The following TLE1 variants were observed in gnomAD, a reference collection of about 807,000 sequenced individuals.
TLE1 encodes transducin-like enhancer protein 1.
Under a neutral mutation model 89.8 loss-of-function variants are expected in TLE1, and 21 were observed. The observed-to-expected ratio is 0.23, with a 90% confidence interval of 0.17 to 0.34. The LOEUF (loss-of-function observed/expected upper bound fraction) is 0.34, where lower values mean the gene tolerates loss of function less well. Ranked by LOEUF, TLE1 falls within the 10% of genes least tolerant of loss-of-function variation. The pLI, the probability that TLE1 is intolerant of heterozygous loss-of-function variation, is 1.00. For synonymous variants in TLE1, 447 were observed against 407.6 expected (o/e 1.10, Z -1.16); for missense variants, 795 against 1,031.2 (o/e 0.77, Z 3.14).
At chr9:81,627,404 G>T (rs746135069) in intron 8 of TLE1, among the ~76,000 whole-genome samples, 2 of 151,568 alleles carry the variant, frequency 1.3e-5, no homozygotes, top group African/African-American at 2.4e-5. Flanking sequence ...TCCCACCAAG[G>T]CCCCGATATC....
chr9:81,633,499 G>A (rs1826972176), intron 7 of TLE1, 135 bp from the exon 8 acceptor site: 1 of 1,188,406 alleles, frequency 8.4e-7, no homozygotes, highest in Non-Finnish European at 1.2e-6. Flanking sequence ...ATTTATATAA[G>A]TCATTGCACA....
At chr9:81,685,612 G>C in intron 4 of TLE1, 64 bp downstream of exon 4, 2 of 1,551,462 alleles carry the variant, frequency 1.3e-6, no homozygotes, top group African/African-American at 1.4e-5. Context: ...TGAGAACAAA[G>C]CCAGTATTAT....
At chr9:81,592,101 A>G (rs111574855) in intron 15 of TLE1, among the ~76,000 whole-genome samples, 1,738 of 152,262 alleles carry the variant, frequency 0.011, 33 homozygotes, top group African/African-American at 0.039. Context: ...GCTCACGCCT[A>G]TAATCCCAGC....
chr9:81,667,056 T>C (rs905756569), intron 4 of TLE1, among the ~76,000 whole-genome samples: 8 of 151,212 alleles, frequency 5.3e-5, no homozygotes, highest in Admixed American at 5.3e-4. Context: ...AATCCTTGGT[T>C]TGGAGTTTGG....
chr9:81,636,200 A>G (rs560341817), intron 6 of TLE1, among the ~76,000 whole-genome samples: 42 of 152,212 alleles, frequency 2.8e-4, no homozygotes, highest in Middle Eastern at 3.4e-3. Flanking sequence ...TATGCATAAA[A>G]TCACCTTCCT....
At position 81,592,520 on chromosome 9, in the gene TLE1, G is replaced by A. The variant is rs111283291; in HGVS notation, c.1581+505C>T. On this transcript the variant is annotated intron_variant, in intron 15 of 19. Transcript: ENST00000376499. Reference sequence around the variant, plus strand: ...GATGGCTGCCCCGGGTCTTTGCAGTGACAGCCTTTAACCCTTTCCTGAAGT... The same window carrying A: ...GATGGCTGCCCCGGGTCTTTGCAGTAACAGCCTTTAACCCTTTCCTGAAGT... 6.2e-3 allele frequency among the ~76,000 whole-genome samples: 950 copies of A among 152,276 alleles called. 7 individuals carry two copies. Among genetic ancestry groups the A allele is most frequent in the Middle Eastern group, 0.02 (6 of 294 alleles).
intron 5 of TLE1, 68 bp from the exon 6 acceptor site, chr9:81,652,356 A>C: frequency 1.4e-6 from 2 of 1,392,138 alleles, no homozygotes; most frequent in Non-Finnish European, 1.0e-6. Context: ...TCTAACAACA[A>C]AAAGTCAAAT....
intron 4 of TLE1, among the ~76,000 whole-genome samples, chr9:81,666,446 A>G (rs1045210600): frequency 1.3e-5 from 2 of 152,054 alleles, no homozygotes; most frequent in Admixed American, 1.3e-4. Context: ...CATCATCATC[A>G]CTGGTTGAAG....
At chr9:81,656,004 C>T (rs771770027) in intron 4 of TLE1, among the ~76,000 whole-genome samples, 1 of 152,172 alleles carries the variant, frequency 6.6e-6, no homozygotes, top group Non-Finnish European at 1.5e-5. Flanking sequence ...TCTGACCCAA[C>T]CCAATTCTCC....
At chr9:81,586,041 G>A (rs1828379618) in intron 17 of TLE1, among the ~76,000 whole-genome samples, 1 of 135,086 alleles carries the variant, frequency 7.4e-6, no homozygotes, top group African/African-American at 2.8e-5. Flanking sequence ...TTTTTGAGAC[G>A]GAGTCTTGCT....
chr9:81,672,901 A>T (rs1832404078), intron 4 of TLE1, among the ~76,000 whole-genome samples: 1 of 152,208 alleles, frequency 6.6e-6, no homozygotes. Flanking sequence ...ACTGATAGTT[A>T]CATTACTTAA....
Position 81,611,811 on chromosome 9 carries a change from T to TGCG in TLE1, c.1209_1211dup (p.Ala409dup). 1 of 1,551,804 alleles carries TGCG rather than the reference T, an allele frequency of 6.4e-7. No homozygotes were observed. The highest frequency in any genetic ancestry group is 8.7e-7 in the Non-Finnish European group (1 of 1,155,884). On this transcript the variant is annotated inframe_insertion, in exon 13 of 20. Transcript: ENST00000376499. ...AGGCCACCACGGCGGCCGCGGCGGCTGCGGCGCTCATCTGGGGCGACATGT... is the reference window on the plus strand; with the variant it reads ...AGGCCACCACGGCGGCCGCGGCGGCTGCGGCGGCGCTCATCTGGGGCGACATGT...
At chr9:81,656,087 G>A (rs1320733798) in intron 4 of TLE1, among the ~76,000 whole-genome samples, 1 of 152,156 alleles carries the variant, frequency 6.6e-6, no homozygotes, top group Admixed American at 6.6e-5. Context: ...GAAATGACTG[G>A]TAGAGAGAGG....
intron 14 of TLE1, among the ~76,000 whole-genome samples, chr9:81,597,671 C>T (rs1457435417): frequency 6.6e-6 from 1 of 152,158 alleles, no homozygotes; most frequent in Non-Finnish European, 1.5e-5. Context: ...ATCAGGATCG[C>T]TTCTGCTTCT....
chr9:81,625,911 T>TTAAAAAA (rs1491491955), intron 8 of TLE1, among the ~76,000 whole-genome samples: 4 of 87,846 alleles, frequency 4.6e-5, no homozygotes, highest in African/African-American at 1.6e-4. Flanking sequence ...CAGAAACTAC[T>TTAAAAAA]AAAAAAAAAA....
At chr9:81,584,648 G>A (rs1828082049) in intron 18 of TLE1, 124 bp from the exon 19 acceptor site, 3 of 822,462 alleles carry the variant, frequency 3.6e-6, no homozygotes, top group Admixed American at 4.8e-5. Context: ...CTAAGGACTG[G>A]TCCATGATAT....
chr9:81,675,698 G>GTTTTTTTTTTTTTTTTTTTTTTTTTTTTT lies in TLE1; in HGVS notation c.234+9977_234+9978insAAAAAAAAAAAAAAAAAAAAAAAAAAAAA, dbSNP rs35060460. 4.4e-4 allele frequency among the ~76,000 whole-genome samples: 57 copies of GTTTTTTTTTTTTTTTTTTTTTTTTTTTTT among 129,636 alleles called. 7 individuals carry two copies. The highest frequency in any genetic ancestry group is 1.2e-3 in the South Asian group (5 of 4,136). 85.0% of individuals were successfully genotyped at this position (129,636 alleles called of 152,430 possible). A position where few individuals can be genotyped will look rare whatever the true frequency, so the allele number is the denominator to read the frequency against. ...AATTTTAGCATAAGGACTCACACTAGTTTTTTTTTGTTTTTTTTTTTGAGA... is the reference window on the plus strand; with the variant it reads ...AATTTTAGCATAAGGACTCACACTAGTTTTTTTTTTTTTTTTTTTTTTTTTTTTTTTTTTTTTTGTTTTTTTTTTTGAGA... On this transcript the variant is annotated intron_variant, in intron 4 of 19. Transcript: ENST00000376499.
At chr9:81,602,301 C>T (rs1466976379) in intron 14 of TLE1, among the ~76,000 whole-genome samples, 2 of 152,122 alleles carry the variant, frequency 1.3e-5, no homozygotes, top group Non-Finnish European at 2.9e-5. Context: ...TTGAAGGGCA[C>T]GTCGGTTTAT....
chr9:81,603,593 C>T (rs1341310080), intron 14 of TLE1, among the ~76,000 whole-genome samples: 1 of 152,180 alleles, frequency 6.6e-6, no homozygotes, highest in African/African-American at 2.4e-5. Context: ...CCTTTGTCTC[C>T]CACAAGTTTT....
Sources: allele counts gnomAD v4.1 joint callset (sites outside exome capture counted in the v4.1 genomes callset), GRCh38; gene constraint gnomAD v4.1.1; transcripts MANE v1.5; gene names NCBI Gene and HGNC (gene_info 2026-07-23, HGNC 2026-07-21).